Variants in PIK3C2G observed in about 807,000 individuals in gnomAD.
PIK3C2G encodes phosphatidylinositol-4-phosphate 3-kinase catalytic subunit type 2 gamma.
Under a neutral mutation model 181.1 loss-of-function variants are expected in PIK3C2G, and 168 were observed. The observed-to-expected ratio is 0.93, with a 90% CI of 0.82 to 1.05. The LOEUF (loss-of-function observed/expected upper bound fraction) is 1.05. Among genes scored for constraint, PIK3C2G ranks in the 50% least tolerant of loss-of-function variants. The pLI is 0.00. For synonymous variants in PIK3C2G, 573 were observed against 592.2 expected (o/e 0.97, Z 0.47); for missense variants, 1,869 against 1,732.8 (o/e 1.08, Z -1.40).
chr12:18,692,717 T>C, the PIK3C2G span: 1 of 815,602 alleles, frequency 1.2e-6, no homozygotes, highest in Non-Finnish European at 2.0e-6. Flanking sequence ...CTTTGAATCA[T>C]CAACATAAAG....
Position 18,595,982 on chromosome 12 carries a change from T to C in PIK3C2G, c.4087+1413T>C, listed in dbSNP as rs571670926. 7.2e-5 allele frequency among the ~76,000 whole-genome samples: 11 copies of C among 152,238 alleles called. No homozygotes were observed. In the South Asian group the frequency reaches 2.3e-3, roughly 32 times the overall value. ...CTTGCTTGTGTGTTTATCTGTAGAC[T>C]AGAAATCCACTGGGGATAATCCATG... On this transcript the variant is annotated intron_variant, in intron 30 of 32. Transcript: ENST00000538779.
intron 6 of PIK3C2G, among the ~76,000 whole-genome samples, chr12:18,317,257 T>G (rs1183564111): frequency 6.6e-6 from 1 of 151,980 alleles, no homozygotes; most frequent in Non-Finnish European, 1.5e-5. Context: ...GTGATCCACC[T>G]GCCTCAGCCC....
At chr12:18,658,234 A>T in the PIK3C2G span, among the ~76,000 whole-genome samples, 4 of 152,176 alleles carry the variant, frequency 2.6e-5, no homozygotes, top group South Asian at 2.1e-4. Context: ...CATATTAGGC[A>T]TCCCAGAAGA....
intron 1 of PIK3C2G, among the ~76,000 whole-genome samples, chr12:18,269,391 G>C (rs1748475798): frequency 6.6e-6 from 1 of 151,934 alleles, no homozygotes; most frequent in Non-Finnish European, 1.5e-5. Context: ...AGATACATTG[G>C]GGTATATGTA....
intron 18 of PIK3C2G, among the ~76,000 whole-genome samples, chr12:18,436,203 C>T (rs1946439383): frequency 6.6e-6 from 1 of 152,040 alleles, no homozygotes; most frequent in Non-Finnish European, 1.5e-5. Flanking sequence ...CACAATGGGT[C>T]TCACATCCAT....
the PIK3C2G span, among the ~76,000 whole-genome samples, chr12:18,703,312 G>A: frequency 2.0e-5 from 3 of 151,204 alleles, no homozygotes; most frequent in East Asian, 1.9e-4. Context: ...TATATGTCTT[G>A]TCACTAGTGT....
At chr12:18,710,684 A>G in the PIK3C2G span, among the ~76,000 whole-genome samples, 1,998 of 152,250 alleles carry the variant, frequency 0.013, 44 homozygotes, top group African/African-American at 0.045. Context: ...CGACAGTGAC[A>G]GTAAAAATGG....
upstream of PIK3C2G, among the ~76,000 whole-genome samples, chr12:18,244,629 C>T (rs1386784112): frequency 6.8e-6 from 1 of 146,086 alleles, no homozygotes; most frequent in Admixed American, 6.9e-5. Context: ...CAGGAAAATA[C>T]TACAATTTCC....
intron 12 of PIK3C2G, among the ~76,000 whole-genome samples, chr12:18,368,773 C>T (rs1941819173): frequency 6.6e-6 from 1 of 152,108 alleles, no homozygotes; most frequent in South Asian, 2.1e-4. Flanking sequence ...TCAGTGGACA[C>T]CATGAGTAGG....
At chr12:18,515,131 G>A (rs1440468213) in intron 24 of PIK3C2G, among the ~76,000 whole-genome samples, 1 of 151,872 alleles carries the variant, frequency 6.6e-6, no homozygotes, top group African/African-American at 2.4e-5. Context: ...TGTTGAATTG[G>A]TTTGCTAGTA....
Position 18,420,975 on chromosome 12 carries a change from C to A in PIK3C2G, c.2350C>A (p.Gln784Lys). The A allele has an allele frequency of 6.2e-7, 1 of 1,604,592 alleles. No individual in the cohort carries two copies. The highest frequency in any genetic ancestry group is 1.1e-5 in the South Asian group (1 of 90,790). ...PDQEIRKVAV[Q>K]QLDNLLNDEL... ...TCAAGAAATTCGTAAAGTGGCAGTT[C>A]AACAATTAGACAACCTCTTGAATGA... The change falls in exon 17 of 33, where the codon CAA becomes AAA. Residue 784 changes from glutamine to lysine, a missense_variant. Coordinates refer to ENST00000538779, the MANE Select transcript of PIK3C2G (RefSeq NM_001288772.2).
the PIK3C2G span, among the ~76,000 whole-genome samples, chr12:18,664,618 A>G: frequency 6.6e-6 from 1 of 151,980 alleles, no homozygotes; most frequent in Non-Finnish European, 1.5e-5. Context: ...AGGGATCTAG[A>G]ACTAGAAAGA....
At chr12:18,597,694 G>C (rs199555112) in intron 30 of PIK3C2G, among the ~76,000 whole-genome samples, 4 of 151,922 alleles carry the variant, frequency 2.6e-5, no homozygotes, top group African/African-American at 4.8e-5. Flanking sequence ...ATTAGGAAAA[G>C]AGGAAGTCAA....
the PIK3C2G span, among the ~76,000 whole-genome samples, chr12:18,667,741 T>G: frequency 3.3e-5 from 5 of 152,302 alleles, no homozygotes; most frequent in Admixed American, 6.5e-5. Context: ...TATTTCTATG[T>G]TTAAAAGAAA....
upstream of PIK3C2G, among the ~76,000 whole-genome samples, chr12:18,258,671 C>G (rs1388549699): frequency 6.7e-6 from 1 of 149,234 alleles, no homozygotes; most frequent in Non-Finnish European, 1.5e-5. Flanking sequence ...ACTCATTCTA[C>G]TTATATAGCA....
intron 8 of PIK3C2G, among the ~76,000 whole-genome samples, chr12:18,334,681 T>C (rs1938350707): frequency 6.6e-6 from 1 of 152,138 alleles, no homozygotes; most frequent in Admixed American, 6.5e-5. Context: ...TTAGTCTATG[T>C]ATCACCTCTA....
intron 18 of PIK3C2G, among the ~76,000 whole-genome samples, chr12:18,444,424 AG>A (rs1217021889): frequency 1.3e-5 from 2 of 152,200 alleles, no homozygotes; most frequent in African/African-American, 2.4e-5. Flanking sequence ...TAATATATTT[AG>A]TAAATACTTA....
At chr12:18,263,536 T>C (rs1948343116) in intron 1 of PIK3C2G, among the ~76,000 whole-genome samples, 1 of 152,174 alleles carries the variant, frequency 6.6e-6, no homozygotes, top group African/African-American at 2.4e-5. Context: ...TTTCTCCTTG[T>C]AGCAGTATAA....
chr12:18,289,163 C>G (rs576111729), intron 3 of PIK3C2G, among the ~76,000 whole-genome samples: 8 of 152,100 alleles, frequency 5.3e-5, no homozygotes, highest in Non-Finnish European at 1.5e-5. Flanking sequence ...ATGTGGCAAG[C>G]ACCCTTAATT....
Sources: gnomAD v4.1 joint callset for allele counts (sites outside exome capture counted in the v4.1 genomes callset) on GRCh38, gnomAD v4.1.1 for gene constraint, MANE v1.5 for transcripts, NCBI Gene and HGNC (gene_info 2026-07-23, HGNC 2026-07-21) for gene names.